ACAD11: variants seen among roughly 807,000 people sequenced by gnomAD.
ACAD11 encodes the protein acyl-Coenzyme A dehydrogenase family, member 11.
In ACAD11, 83 loss-of-function variants were observed where a neutral mutation model predicts 102.2. That is an observed-to-expected ratio of 0.81 (90% CI 0.68 to 0.97). The LOEUF (loss-of-function observed/expected upper bound fraction) is 0.97. ACAD11 is among the 50% of genes least tolerant of loss of function. ACAD11 has a pLI of 0.00. For missense variants in ACAD11, 901 were observed against 951.7 expected (o/e 0.95, Z 0.70); for synonymous variants, 324 against 319.8 (o/e 1.01, Z -0.14).
At chr3:132,636,422 A>T (rs1940276960) in intron 5 of ACAD11, among the ~76,000 whole-genome samples, 1 of 152,196 alleles carries the variant, frequency 6.6e-6, no homozygotes, top group Non-Finnish European at 1.5e-5. Flanking sequence ...AATTTTATTA[A>T]TATGTATGTG....
At chr3:132,623,605 T>C (rs1386507342) in intron 9 of ACAD11, among the ~76,000 whole-genome samples, 1 of 152,200 alleles carries the variant, frequency 6.6e-6, no homozygotes, top group African/African-American at 2.4e-5. Context: ...GACAAATGAT[T>C]GTGGCTTTTC....
chr3:132,639,919 A>G (rs1576614282), intron 4 of ACAD11, among the ~76,000 whole-genome samples: 2 of 151,962 alleles, frequency 1.3e-5, no homozygotes, highest in East Asian at 3.9e-4. Flanking sequence ...TATGGGTTCT[A>G]GTCTTTATTC....
At position 132,642,106 on chromosome 3, in the gene ACAD11, G is replaced by A. The variant is rs1940549168; in HGVS notation, c.403C>T (p.Pro135Ser). The change falls in exon 4 of 20, where the codon CCT (proline) becomes TCT (serine). Residue 135 changes from proline to serine, a missense_variant. Physicochemically the swap from Pro to Ser is moderately conservative, Grantham distance 74. Transcript: ENST00000264990. ...QGRIFRDLTIPGLSPAERSAI... is the reference protein window; with the variant it reads ...QGRIFRDLTISGLSPAERSAI... The stretch of plus-strand genomic sequence containing the variant: ...GAACGTTCTGCTGGGCTAAGTCCAG[G>A]AATTGTTAAATCACGGAAGATTCGA... 1 of 1,613,858 alleles carries A rather than the reference G, an allele frequency of 6.2e-7. No individual in the cohort carries two copies.
intron 13 of ACAD11, among the ~76,000 whole-genome samples, chr3:132,585,138 A>G (rs1937751609): frequency 6.6e-6 from 1 of 152,174 alleles, no homozygotes; most frequent in Non-Finnish European, 1.5e-5. Flanking sequence ...ACTGGTACCA[A>G]AACAGAGATA....
intron 17 of ACAD11, among the ~76,000 whole-genome samples, chr3:132,566,779 C>T (rs1307375778): frequency 6.6e-6 from 1 of 152,050 alleles, no homozygotes; most frequent in East Asian, 1.9e-4. Context: ...AAAGGAAGTT[C>T]TCTAAATGGA....
intron 5 of ACAD11, among the ~76,000 whole-genome samples, chr3:132,632,691 T>G (rs1940098455): frequency 1.3e-5 from 2 of 152,204 alleles, no homozygotes; most frequent in Non-Finnish European, 2.9e-5. Context: ...TTCACAATAT[T>G]GATTCTTCCT....
chr3:132,610,777 T>G (rs894209228), intron 11 of ACAD11, among the ~76,000 whole-genome samples: 1 of 152,126 alleles, frequency 6.6e-6, no homozygotes, highest in Non-Finnish European at 1.5e-5. Context: ...GATTCACAGC[T>G]GAATTCTACC....
At chr3:132,580,734 T>G (rs1937585730) in intron 13 of ACAD11, among the ~76,000 whole-genome samples, 1 of 152,026 alleles carries the variant, frequency 6.6e-6, no homozygotes, top group East Asian at 1.9e-4. Context: ...ATGTCTGAGA[T>G]TTATTTCAAA....
intron 17 of ACAD11, among the ~76,000 whole-genome samples, chr3:132,575,412 C>A (rs1432153650): frequency 2.0e-5 from 3 of 152,068 alleles, no homozygotes; most frequent in African/African-American, 7.2e-5. Flanking sequence ...ACTTATGTGT[C>A]CTAATTCCTT....
chr3:132,569,422 A>G (rs1300661089), intron 17 of ACAD11, among the ~76,000 whole-genome samples: 1 of 152,204 alleles, frequency 6.6e-6, no homozygotes, highest in Non-Finnish European at 1.5e-5. Flanking sequence ...TTTCCAAAAA[A>G]AACTAAACAT....
intron 17 of ACAD11, among the ~76,000 whole-genome samples, chr3:132,567,031 T>C (rs1430389343): frequency 6.6e-6 from 1 of 152,160 alleles, no homozygotes; most frequent in East Asian, 1.9e-4. Context: ...CAGGCTGGAG[T>C]GCAGTGGCGT....
intron 17 of ACAD11, among the ~76,000 whole-genome samples, chr3:132,571,510 T>C (rs2107787510): frequency 6.6e-6 from 1 of 152,318 alleles, no homozygotes; most frequent in Middle Eastern, 3.4e-3. Context: ...TTTAATTAGA[T>C]TGCATTGATC....
intron 13 of ACAD11, among the ~76,000 whole-genome samples, chr3:132,595,233 G>A (rs1368746912): frequency 6.6e-6 from 1 of 152,174 alleles, no homozygotes; most frequent in Non-Finnish European, 1.5e-5. Context: ...GCACATTCCA[G>A]CAGACAGAAG....
intron 11 of ACAD11, among the ~76,000 whole-genome samples, chr3:132,615,999 G>A (rs1013136021): frequency 1.3e-5 from 2 of 152,156 alleles, no homozygotes; most frequent in Admixed American, 1.3e-4. Flanking sequence ...GGTGGCTTGA[G>A]TAGAAATTCA....
chr3:132,584,212 C>G (rs112246851), intron 13 of ACAD11, among the ~76,000 whole-genome samples: 10 of 152,254 alleles, frequency 6.6e-5, no homozygotes, highest in African/African-American at 2.4e-4. Context: ...TTGTAGGTCT[C>G]TAAGGTCTTG....
At chr3:132,647,395 G>A (rs1016955288) in intron 1 of ACAD11, 3 of 152,070 alleles carry the variant, frequency 2.0e-5, no homozygotes, top group Non-Finnish European at 2.9e-5. Flanking sequence ...CCTAAGAGAT[G>A]GTACTTTTGA....
chr3:132,658,826 T>C (rs1446069355), intron 1 of ACAD11, among the ~76,000 whole-genome samples: 1 of 152,214 alleles, frequency 6.6e-6, no homozygotes. Context: ...CTTTCACCTA[T>C]ATTACGGTAT....
At chr3:132,632,947 T>C (rs1000197260) in intron 5 of ACAD11, among the ~76,000 whole-genome samples, 15 of 152,386 alleles carry the variant, frequency 9.8e-5, no homozygotes, top group South Asian at 2.1e-4. Flanking sequence ...TTTGCTGAAG[T>C]TGCTTATCAG....
At chr3:132,644,601 T>C (rs928098848) in intron 2 of ACAD11, among the ~76,000 whole-genome samples, 196 bp downstream of exon 2, 6 of 152,040 alleles carry the variant, frequency 3.9e-5, no homozygotes, top group Non-Finnish European at 7.4e-5. Flanking sequence ...AGCCTAAAGA[T>C]AGACTTACAT....
Sources: gnomAD v4.1 joint callset for allele counts (sites outside exome capture counted in the v4.1 genomes callset) on GRCh38, gnomAD v4.1.1 for gene constraint, MANE v1.5 for transcripts, NCBI Gene and HGNC (gene_info 2026-07-23, HGNC 2026-07-21) for gene names.